LPIN2: variants seen among roughly 807,000 people sequenced by gnomAD.
The protein encoded by LPIN2 is lipin 2, also known as phosphatidate phosphatase LPIN2.
LPIN2 carries 55 observed loss-of-function variants against 111.4 expected under a neutral mutation model. The observed-to-expected ratio is 0.49, with a 90% CI of 0.40 to 0.62. The LOEUF is 0.62. LPIN2 is among the 20% of genes least tolerant of loss of function. The pLI is 0.00. For synonymous variants in LPIN2, 425 were observed against 414.0 expected, an observed-to-expected ratio of 1.03 and a Z score of -0.32; for missense variants, 992 against 1,112.1, an observed-to-expected ratio of 0.89 and a Z score of 1.54.
At chr18:2,949,080 G>C (rs1351671060) in intron 4 of LPIN2, among the ~76,000 whole-genome samples, 1 of 152,178 alleles carries the variant, frequency 6.6e-6, no homozygotes, top group Non-Finnish European at 1.5e-5. Context: ...TGGGATTACA[G>C]GCATGGGCTA....
chr18:3,000,896 G>A (rs748545533), intron 1 of LPIN2, among the ~76,000 whole-genome samples: 15 of 126,592 alleles, frequency 1.2e-4, no homozygotes, highest in Non-Finnish European at 2.2e-4. Flanking sequence ...ATGGTAATGA[G>A]ATACTTTAAA....
Position 2,939,476 on chromosome 18 carries a change from G to A in LPIN2, c.822+4C>T, listed in dbSNP as rs756368360. 2 of 1,613,538 alleles carry A rather than the reference G, an allele frequency of 1.2e-6. No homozygotes were observed. The highest frequency in any genetic ancestry group is 2.2e-5 in the East Asian group (1 of 44,868). On this transcript the variant is annotated splice_donor_region_variant and intron_variant, in intron 6 of 19. Transcript: ENST00000677752. ...ACTTTCCACAGGCAAGTAAACCCTA[G>A]TACCTTGGTGGACTCTGGGAATCCG... is the stretch of plus-strand genomic sequence containing the variant.
At chr18:2,999,585 CAG>C (rs894279716) in intron 1 of LPIN2, among the ~76,000 whole-genome samples, 3 of 144,206 alleles carry the variant, frequency 2.1e-5, no homozygotes, top group Non-Finnish European at 3.0e-5. Context: ...GCCTGGGTGA[CAG>C]AGAGAAACTC....
At chr18:3,009,491 T>C (rs1272060659) in intron 1 of LPIN2, among the ~76,000 whole-genome samples, 1 of 151,822 alleles carries the variant, frequency 6.6e-6, no homozygotes, top group Non-Finnish European at 1.5e-5. Context: ...CAGGCTGGAG[T>C]GCAGTGACAC....
At chr18:2,971,585 T>C (rs1479982342) in intron 1 of LPIN2, among the ~76,000 whole-genome samples, 2 of 152,162 alleles carry the variant, frequency 1.3e-5, no homozygotes, top group Non-Finnish European at 2.9e-5. Context: ...ATAAGTGGTT[T>C]TGGATCAATG....
intron 3 of LPIN2, among the ~76,000 whole-genome samples, chr18:2,953,480 A>C (rs2077567442): frequency 6.6e-6 from 1 of 152,198 alleles, no homozygotes; most frequent in Non-Finnish European, 1.5e-5. Flanking sequence ...AGTAATGAAG[A>C]AACTAGAAAA....
intron 1 of LPIN2, among the ~76,000 whole-genome samples, chr18:2,978,178 CTCTG>C (rs755219346): frequency 1.6e-4 from 25 of 151,724 alleles, no homozygotes; most frequent in Non-Finnish European, 2.8e-4. Flanking sequence ...CAGAGCAAGA[CTCTG>C]TCTTTTAAAA....
At chr18:2,974,315 C>T (rs2077972505) in intron 1 of LPIN2, among the ~76,000 whole-genome samples, 2 of 152,208 alleles carry the variant, frequency 1.3e-5, no homozygotes, top group South Asian at 2.1e-4. Context: ...CCTGACCTCG[C>T]GATCCGCCCG....
chr18:2,992,256 G>C (rs899715515), intron 1 of LPIN2, among the ~76,000 whole-genome samples: 17 of 152,182 alleles, frequency 1.1e-4, no homozygotes, highest in African/African-American at 3.6e-4. Context: ...GTGAAGTTCT[G>C]ATACATGCCA....
At chr18:2,926,266 C>T (rs921346513) in intron 13 of LPIN2, among the ~76,000 whole-genome samples, 4 of 152,168 alleles carry the variant, frequency 2.6e-5, no homozygotes, top group Non-Finnish European at 2.9e-5. Flanking sequence ...ATGCACTGGC[C>T]GGGGGAGGTG....
chr18:2,996,773 G>A (rs914171129), intron 1 of LPIN2, among the ~76,000 whole-genome samples: 18 of 151,972 alleles, frequency 1.2e-4, no homozygotes, highest in African/African-American at 4.1e-4. Flanking sequence ...CACCACGCTC[G>A]ACCAATATCT....
intron 1 of LPIN2, among the ~76,000 whole-genome samples, chr18:2,963,058 T>C (rs1386991532): frequency 2.0e-5 from 3 of 152,116 alleles, no homozygotes; most frequent in Admixed American, 6.5e-5. Context: ...AGTTGCTAAA[T>C]GTAGAAAAAT....
At chr18:2,964,100 G>A (rs1294372037) in intron 1 of LPIN2, among the ~76,000 whole-genome samples, 1 of 151,470 alleles carries the variant, frequency 6.6e-6, no homozygotes, top group Admixed American at 6.6e-5. Flanking sequence ...TGGCCAACAC[G>A]GTGAAGGCCC....
chr18:2,955,392 G>A (rs1457823523), intron 2 of LPIN2, among the ~76,000 whole-genome samples: 5 of 35,898 alleles, frequency 1.4e-4, no homozygotes, highest in African/African-American at 3.0e-4. Context: ...GACTGGGGGT[G>A]CCACACAAAG....
intron 1 of LPIN2, among the ~76,000 whole-genome samples, chr18:3,005,799 G>A (rs903840052): frequency 1.3e-5 from 2 of 152,160 alleles, no homozygotes; most frequent in Non-Finnish European, 2.9e-5. Flanking sequence ...GTAGAAACGG[G>A]AAGACTGCTT....
intron 1 of LPIN2, among the ~76,000 whole-genome samples, chr18:3,003,181 A>G (rs2078459993): frequency 6.6e-6 from 1 of 152,254 alleles, no homozygotes; most frequent in African/African-American, 2.4e-5. Flanking sequence ...GTATATTTCT[A>G]TTTAATGAAA....
intron 9 of LPIN2, among the ~76,000 whole-genome samples, chr18:2,929,455 AAGACAGACACAGAAAGAC>A (rs2077183729): frequency 6.6e-6 from 1 of 152,152 alleles, no homozygotes; most frequent in Admixed American, 6.5e-5. Flanking sequence ...AGAGGGACGG[AAGACAGACACAGAAAGAC>A]AGACAGACAC....
chr18:3,012,724 T>G (rs62077520), intron 1 of LPIN2, among the ~76,000 whole-genome samples: 23,895 of 151,762 alleles, frequency 0.16, 2,440 homozygotes, highest in East Asian at 0.52. Flanking sequence ...GGGGTAGGGG[T>G]GGTCTCGGGT....
intron 18 of LPIN2, 22 bp downstream of exon 18, chr18:2,921,511 C>T (rs80130655): frequency 1.5e-5 from 24 of 1,563,592 alleles, no homozygotes; most frequent in Non-Finnish European, 2.0e-5. Flanking sequence ...ACATCAGAAC[C>T]CAGAGCCCAG....
Sources: allele counts gnomAD v4.1 joint callset (sites outside exome capture counted in the v4.1 genomes callset), GRCh38; gene constraint gnomAD v4.1.1; transcripts MANE v1.5; gene names NCBI Gene and HGNC (gene_info 2026-07-23, HGNC 2026-07-21).